INPP4B: variants seen among roughly 807,000 people sequenced by gnomAD.
INPP4B encodes inositol polyphosphate-4-phosphatase type II B, also known as inositol polyphosphate 4-phosphatase type II.
INPP4B carries 55 observed loss-of-function variants against 122.5 expected under a neutral mutation model. The observed-to-expected ratio is 0.45, with a 90% CI of 0.36 to 0.56. The LOEUF (loss-of-function observed/expected upper bound fraction) is 0.56, where lower values mean the gene tolerates loss of function less well. Among genes scored for constraint, INPP4B ranks in the 20% least tolerant of loss-of-function variants. INPP4B has a pLI of 0.00. For synonymous variants in INPP4B, 403 were observed against 388.7 expected (o/e 1.04, Z -0.43); for missense variants, 1,000 against 1,097.7 (o/e 0.91, Z 1.26).
chr4:142,074,820 TGAC>T (rs1367240180), intron 25 of INPP4B, among the ~76,000 whole-genome samples: 1 of 151,654 alleles, frequency 6.6e-6, no homozygotes, highest in Admixed American at 6.6e-5. Flanking sequence ...CAAAATCACT[TGAC>T]AAGTGTGATG....
At position 142,123,432 on chromosome 4, in the gene INPP4B, G is replaced by A. The variant is rs2152754186; in HGVS notation, c.1894-17C>T. ...TCCAGCAAGCTGAAAAAAAAATATT[G>A]ATGAGATTTACTGCAGTTAGCAAAC... is the stretch of plus-strand genomic sequence containing the variant. On this transcript the variant is annotated splice_polypyrimidine_tract_variant and intron_variant, in intron 19 of 25. Transcript: ENST00000262992. 1 of 1,607,478 alleles carries A rather than the reference G, an allele frequency of 6.2e-7. No homozygotes were observed. The highest frequency in any genetic ancestry group is 8.5e-7 in the Non-Finnish European group (1 of 1,177,138).
In INPP4B at chr4:142,383,943, T is replaced by C. The variant is rs1795074008; in HGVS notation, c.372+18995A>G. ...GTCCAGCTATTTCACAAGAAAACTGTTGTGTCTCATTAAGTTACCATCGTG... is the reference window on the plus strand; with the variant it reads ...GTCCAGCTATTTCACAAGAAAACTGCTGTGTCTCATTAAGTTACCATCGTG... On this transcript the variant is annotated intron_variant, in intron 7 of 25. Coordinates refer to ENST00000262992, the MANE Select transcript of INPP4B (RefSeq NM_001101669.3). 1.7e-5 allele frequency: 10 copies of C among 601,484 alleles called. No individual in the cohort carries two copies. In the South Asian group the frequency reaches 2.1e-4, roughly 13 times the overall value. The allele number at this position is 601,484 out of a possible 1,614,324, so 37.3% of individuals were successfully genotyped here.
intron 25 of INPP4B, 75 bp downstream of exon 25, chr4:142,081,956 T>C (rs1774098701): frequency 2.8e-6 from 3 of 1,059,198 alleles, no homozygotes; most frequent in African/African-American, 1.6e-5. Context: ...CAATAAAATA[T>C]GTATTTTGAA....
rs1008852117 is a variant in INPP4B at position 142,299,184 on chromosome 4, G to A, written c.503+6274C>T. On this transcript the variant is annotated intron_variant, in intron 9 of 25. Transcript: ENST00000262992. ...TTTTTTTTTTTGGGGGGGAGACAGA[G>A]TCTTGCTCTTATCCCCTAGGCTGGA... 9.9e-5 allele frequency among the ~76,000 whole-genome samples: 14 copies of A among 141,112 alleles called. 1 individual carries two copies. The highest frequency in any genetic ancestry group is 3.9e-4 in the African/African-American group (14 of 36,308). 92.6% of individuals were successfully genotyped at this position (141,112 alleles called of 152,430 possible).
At chr4:142,193,754 T>A (rs150305734) in intron 14 of INPP4B, among the ~76,000 whole-genome samples, 3 of 152,194 alleles carry the variant, frequency 2.0e-5, no homozygotes, top group African/African-American at 7.2e-5. Flanking sequence ...TTAGGTGACA[T>A]AGAAAGAATA....
intron 7 of INPP4B, among the ~76,000 whole-genome samples, chr4:142,346,567 T>C (rs1780376967): frequency 6.6e-6 from 1 of 151,678 alleles, no homozygotes; most frequent in Non-Finnish European, 1.5e-5. Context: ...ACAATGATAA[T>C]CAAAAAGTGT....
chr4:142,116,848 G>A (rs538788330), intron 21 of INPP4B, among the ~76,000 whole-genome samples: 17 of 151,766 alleles, frequency 1.1e-4, no homozygotes, highest in South Asian at 8.3e-4. Flanking sequence ...ACAAAAAACC[G>A]TTCAAAAAAA....
chr4:142,493,983 G>A (rs1822203875), intron 2 of INPP4B, among the ~76,000 whole-genome samples: 1 of 152,116 alleles, frequency 6.6e-6, no homozygotes, highest in African/African-American at 2.4e-5. Flanking sequence ...CATAGGGGTG[G>A]TTACTTCCAT....
At chr4:142,509,905 A>G (rs1194403762) in intron 2 of INPP4B, among the ~76,000 whole-genome samples, 2 of 152,198 alleles carry the variant, frequency 1.3e-5, no homozygotes, top group Non-Finnish European at 1.5e-5. Context: ...ATGATCATAC[A>G]AAGCAACATT....
chr4:142,375,268 T>C (rs1791425344), intron 7 of INPP4B, among the ~76,000 whole-genome samples: 1 of 151,862 alleles, frequency 6.6e-6, no homozygotes, highest in Admixed American at 6.6e-5. Flanking sequence ...CTGCACTACT[T>C]GCTTCCCTCC....
intron 8 of INPP4B, among the ~76,000 whole-genome samples, chr4:142,308,736 T>A (rs1425215654): frequency 2.0e-5 from 3 of 151,674 alleles, no homozygotes; most frequent in Non-Finnish European, 4.4e-5. Flanking sequence ...TTTAATTTTT[T>A]AATATTTTAA....
At position 142,565,947 on chromosome 4, in the gene INPP4B, T is replaced by C. The variant is rs116691412; in HGVS notation, c.-190-103221A>G. On this transcript the variant is annotated intron_variant, in intron 2 of 25. Transcript: ENST00000262992. ...ATTGACTGTCAGAGCCTCATCGACC[T>C]AGTATAAGAGACACACCAACGTACG... is the stretch of plus-strand genomic sequence containing the variant. 6.1e-3 allele frequency: 930 copies of C among 152,310 alleles called. 16 individuals are homozygous for C. Among genetic ancestry groups the C allele is most frequent in the African/African-American group, 0.021 (891 of 41,570 alleles). 9.4% of individuals were successfully genotyped at this position (152,310 alleles called of 1,614,324 possible).
intron 2 of INPP4B, among the ~76,000 whole-genome samples, chr4:142,646,475 A>G (rs775746460): frequency 2.0e-5 from 3 of 152,222 alleles, no homozygotes; most frequent in African/African-American, 4.8e-5. Flanking sequence ...TTCCAATGCC[A>G]TGAAGTGATA....
intron 2 of INPP4B, among the ~76,000 whole-genome samples, chr4:142,588,014 A>AT (rs1329973184): frequency 6.6e-6 from 1 of 151,964 alleles, no homozygotes; most frequent in Non-Finnish European, 1.5e-5. Context: ...CTGGGTCAAC[A>AT]TATGAAAATA....
At chr4:142,770,027 A>G (rs1033223763) in intron 1 of INPP4B, among the ~76,000 whole-genome samples, 13 of 152,242 alleles carry the variant, frequency 8.5e-5, no homozygotes, top group Admixed American at 6.5e-4. Flanking sequence ...AGAGAGGCTC[A>G]TAGAAAATGG....
At chr4:142,305,231 TG>T (rs1271780688) in intron 9 of INPP4B, among the ~76,000 whole-genome samples, 4 of 152,214 alleles carry the variant, frequency 2.6e-5, no homozygotes, top group African/African-American at 9.6e-5. Context: ...AATGTAATAT[TG>T]TTTTTTTCTT....
At chr4:142,647,702 CCT>C (rs1490721573) in intron 2 of INPP4B, among the ~76,000 whole-genome samples, 3 of 152,178 alleles carry the variant, frequency 2.0e-5, no homozygotes, top group South Asian at 2.1e-4. Flanking sequence ...ATTCTAATCC[CCT>C]CTTTCCCTTA....
At chr4:142,095,907 C>CA (rs1781602218) in intron 23 of INPP4B, among the ~76,000 whole-genome samples, 1 of 152,292 alleles carries the variant, frequency 6.6e-6, no homozygotes, top group Middle Eastern at 3.4e-3. Context: ...CTCTAATATT[C>CA]ATAAGTACAT....
chr4:142,464,179 T>A (rs1817280599), intron 2 of INPP4B, among the ~76,000 whole-genome samples: 1 of 152,180 alleles, frequency 6.6e-6, no homozygotes. Context: ...AACAATTTAC[T>A]ATTATATATA....
Sources: allele counts gnomAD v4.1 joint callset (sites outside exome capture counted in the v4.1 genomes callset), GRCh38; gene constraint gnomAD v4.1.1; transcripts MANE v1.5; gene names NCBI Gene and HGNC (gene_info 2026-07-23, HGNC 2026-07-21).